Variants in RALGPS2 observed in about 807,000 individuals in gnomAD.
RALGPS2 encodes Ral GEF with PH domain and SH3 binding motif 2, also known as ras-specific guanine nucleotide-releasing factor RalGPS2.
Under a neutral mutation model 86.8 loss-of-function variants are expected in RALGPS2, and 43 were observed. The ratio of observed to expected loss-of-function variants is 0.50; its 90% CI spans 0.39 to 0.64. The LOEUF (loss-of-function observed/expected upper bound fraction) is 0.64, where lower values mean the gene tolerates loss of function less well. RALGPS2 is among the 30% of genes least tolerant of loss of function. The pLI is 0.00. For missense variants in RALGPS2, 536 were observed against 694.6 expected, an observed-to-expected ratio of 0.77 and a Z score of 2.57; for synonymous variants, 243 against 231.3, an observed-to-expected ratio of 1.05 and a Z score of -0.46.
intron 1 of RALGPS2, among the ~76,000 whole-genome samples, chr1:178,766,318 C>T (rs954635870): frequency 1.3e-5 from 2 of 152,128 alleles, no homozygotes; most frequent in East Asian, 3.9e-4. Flanking sequence ...CTCCTGGGCT[C>T]AAGTGATTCT....
chr1:178,868,819 A>C (rs1374789953), intron 8 of RALGPS2, among the ~76,000 whole-genome samples: 1 of 151,986 alleles, frequency 6.6e-6, no homozygotes, highest in Non-Finnish European at 1.5e-5. Flanking sequence ...TTTTAAATAA[A>C]TATAATTTTT....
At chr1:178,859,977 A>G (rs2102319490) in intron 8 of RALGPS2, among the ~76,000 whole-genome samples, 1 of 152,040 alleles carries the variant, frequency 6.6e-6, no homozygotes, top group East Asian at 1.9e-4. Flanking sequence ...TCGGCTACAC[A>G]AAGCACTTCT....
intron 4 of RALGPS2, among the ~76,000 whole-genome samples, chr1:178,800,839 G>A (rs1654435345): frequency 6.6e-6 from 1 of 151,974 alleles, no homozygotes; most frequent in Non-Finnish European, 1.5e-5. Context: ...AAAGATGTTT[G>A]ATGTGAAGTA....
intron 1 of RALGPS2, among the ~76,000 whole-genome samples, chr1:178,761,439 A>G (rs1652236113): frequency 6.6e-6 from 1 of 152,048 alleles, no homozygotes; most frequent in South Asian, 2.1e-4. Flanking sequence ...CAAAAAAAAA[A>G]AAAATTCTTT....
intron 19 of RALGPS2, among the ~76,000 whole-genome samples, chr1:178,912,064 T>A (rs1467802088): frequency 6.6e-6 from 1 of 152,256 alleles, no homozygotes; most frequent in Non-Finnish European, 1.5e-5. Flanking sequence ...TAAATCTTGC[T>A]CCTTACCTTT....
In RALGPS2 at chr1:178,776,480, A is replaced by G. The variant is rs566242254; in HGVS notation, c.-83-202A>G. 3.4e-4 allele frequency among the ~76,000 whole-genome samples: 52 copies of G among 152,264 alleles called. No homozygotes were observed. In the South Asian group the frequency reaches 9.8e-3, roughly 29 times the overall value. On this transcript the variant is annotated intron_variant, in intron 1 of 19. Coordinates refer to ENST00000367635, the MANE Select transcript of RALGPS2 (RefSeq NM_152663.5). The stretch of plus-strand genomic sequence containing the variant: ...TATGAAGAACATAACAATAACATCT[A>G]TTGAATACTGTTTATTTGGTGTTCT...
intron 7 of RALGPS2, among the ~76,000 whole-genome samples, chr1:178,824,603 T>C (rs893487789): frequency 1.9e-4 from 29 of 152,006 alleles, no homozygotes; most frequent in Admixed American, 1.7e-3. Flanking sequence ...GGTCAGGAGA[T>C]CCAGACCATC....
intron 1 of RALGPS2, among the ~76,000 whole-genome samples, chr1:178,737,289 A>G (rs1650763401): frequency 6.6e-6 from 1 of 152,202 alleles, no homozygotes; most frequent in Non-Finnish European, 1.5e-5. Flanking sequence ...TCTGTCGCCC[A>G]GGCTGAAGTG....
At chr1:178,834,268 C>T (rs1304273978) in intron 8 of RALGPS2, among the ~76,000 whole-genome samples, 1 of 152,050 alleles carries the variant, frequency 6.6e-6, no homozygotes, top group African/African-American at 2.4e-5. Context: ...TTGATTTGAT[C>T]CTATGTAGAG....
chr1:178,841,358 A>G (rs1417634263), intron 8 of RALGPS2, among the ~76,000 whole-genome samples: 21 of 147,390 alleles, frequency 1.4e-4, no homozygotes, highest in Non-Finnish European at 2.5e-4. Context: ...ATGCAAATCA[A>G]TAAATGTAAT....
At chr1:178,731,271 G>GTTTTTTTTTTTTTTTTTTTTT (rs1491268143) in intron 1 of RALGPS2, among the ~76,000 whole-genome samples, 1 of 69,380 alleles carries the variant, frequency 1.4e-5, no homozygotes, top group African/African-American at 5.2e-5. Flanking sequence ...TAGTTGTTTT[G>GTTTTTTTTTTTTTTTTTTTTT]GTTTTTTTTT....
intron 14 of RALGPS2, among the ~76,000 whole-genome samples, chr1:178,891,010 A>T (rs1289821115): frequency 6.6e-6 from 1 of 152,052 alleles, no homozygotes; most frequent in African/African-American, 2.4e-5. Flanking sequence ...CTTTATATTT[A>T]AAAAATATTG....
intron 7 of RALGPS2, among the ~76,000 whole-genome samples, chr1:178,826,750 A>G (rs1330744328): frequency 6.6e-6 from 1 of 152,244 alleles, no homozygotes; most frequent in Non-Finnish European, 1.5e-5. Flanking sequence ...GAGCAATACA[A>G]AATTGGTTAT....
At chr1:178,883,654 A>G (rs1558169737) in intron 11 of RALGPS2, 121 bp downstream of exon 11, 3 of 796,324 alleles carry the variant, frequency 3.8e-6, no homozygotes, top group Non-Finnish European at 4.0e-6. Context: ...TTATTTTGAT[A>G]TTAAAATCTG....
chr1:178,877,725 AG>A (rs35813195), intron 9 of RALGPS2, 90 bp downstream of exon 9: 4 of 1,440,698 alleles, frequency 2.8e-6, no homozygotes, highest in Non-Finnish European at 3.8e-6. Flanking sequence ...TTCACACAGC[AG>A]GGGACATCAA....
intron 14 of RALGPS2, among the ~76,000 whole-genome samples, chr1:178,890,286 G>T (rs931626674): frequency 2.6e-5 from 4 of 151,828 alleles, no homozygotes; most frequent in Admixed American, 2.0e-4. Flanking sequence ...TGAGGTCTAA[G>T]TACATATAAG....
rs1358088958 is a variant in RALGPS2, at chr1:178,892,966, A to G, written c.1325+659A>G. 3.9e-5 allele frequency among the ~76,000 whole-genome samples: 6 copies of G among 152,140 alleles called. No homozygotes were observed. In the South Asian group the frequency reaches 8.3e-4, roughly 21 times the overall value. On this transcript the variant is annotated intron_variant, in intron 15 of 19. Coordinates refer to ENST00000367635, the MANE Select transcript of RALGPS2 (RefSeq NM_152663.5). ...GTTTGATGGTGTCTAATCTCCGTGCATGTACCTCCCTGAATATAAATAGCT... is the reference window on the plus strand; with the variant it reads ...GTTTGATGGTGTCTAATCTCCGTGCGTGTACCTCCCTGAATATAAATAGCT...
At chr1:178,868,190 A>T (rs1209209182) in intron 8 of RALGPS2, among the ~76,000 whole-genome samples, 1 of 151,890 alleles carries the variant, frequency 6.6e-6, no homozygotes, top group Non-Finnish European at 1.5e-5. Context: ...TTTTATTTTT[A>T]AAAATAGACT....
At chr1:178,841,180 T>A (rs1215877826) in intron 8 of RALGPS2, among the ~76,000 whole-genome samples, 5 of 151,764 alleles carry the variant, frequency 3.3e-5, no homozygotes, top group African/African-American at 7.3e-5. Context: ...TACCAAAGCC[T>A]GGCAGAGACA....
Sources: gnomAD v4.1 joint callset for allele counts (sites outside exome capture counted in the v4.1 genomes callset) on GRCh38, gnomAD v4.1.1 for gene constraint, MANE v1.5 for transcripts, NCBI Gene and HGNC (gene_info 2026-07-23, HGNC 2026-07-21) for gene names.